The following ABCC1 variants were observed in gnomAD, a reference collection of about 807,000 sequenced individuals.
The protein encoded by ABCC1 is multidrug resistance-associated protein 1.
A neutral mutation model predicts 172.9 loss-of-function variants in ABCC1; 83 were observed. The observed-to-expected ratio is 0.48, with a 90% CI of 0.40 to 0.58. ABCC1 has a LOEUF of 0.58. Ranked by LOEUF, ABCC1 falls within the 20% of genes least tolerant of loss-of-function variation. The probability of loss-of-function intolerance (pLI) is 0.00; values close to 1 mark genes in which losing one functional copy is unlikely to be tolerated. For synonymous variants in ABCC1, 937 were observed against 825.2 expected (o/e 1.14, Z -2.32); for missense variants, 1,817 against 2,002.7 (o/e 0.91, Z 1.77).
chr16:16,038,153 T>C (rs2048828251), intron 7 of ABCC1, among the ~76,000 whole-genome samples: 1 of 151,828 alleles, frequency 6.6e-6, no homozygotes, highest in Non-Finnish European at 1.5e-5. Context: ...GGTAGATGGA[T>C]AGATGATAGA....
chr16:16,014,426 G>A (rs1597118841), intron 3 of ABCC1, 65 bp from the exon 4 acceptor site: 4 of 1,571,624 alleles, frequency 2.5e-6, no homozygotes, highest in Non-Finnish European at 3.5e-6. Context: ...CAGCCTGGGT[G>A]ACAAGAGTGA....
intron 21 of ABCC1, among the ~76,000 whole-genome samples, chr16:16,110,284 A>G (rs769897845): frequency 6.6e-6 from 1 of 151,952 alleles, no homozygotes; most frequent in Non-Finnish European, 1.5e-5. Context: ...AGATTTCATC[A>G]TGTTGGCCAG....
At chr16:16,103,359 C>A (rs2051864145) in intron 20 of ABCC1, among the ~76,000 whole-genome samples, 1 of 152,156 alleles carries the variant, frequency 6.6e-6, no homozygotes, top group Admixed American at 6.5e-5. Flanking sequence ...GCGGGCGGAT[C>A]ACCTGAGGAC....
chr16:15,997,789 C>G (rs1039148106), intron 1 of ABCC1, among the ~76,000 whole-genome samples: 16 of 150,180 alleles, frequency 1.1e-4, no homozygotes, highest in African/African-American at 3.4e-4. Flanking sequence ...AAGGAACATC[C>G]AGGAGGCCTC....
chr16:16,115,346 C>T (rs1313254421), intron 23 of ABCC1, among the ~76,000 whole-genome samples: 1 of 152,144 alleles, frequency 6.6e-6, no homozygotes, highest in Non-Finnish European at 1.5e-5. Flanking sequence ...AAGACAACTT[C>T]ATTATTAAAA....
chr16:16,056,750 C>T lies in ABCC1; in HGVS notation c.1677+455C>T, dbSNP rs542026219. Among the ~76,000 whole-genome samples, 299 of 152,292 alleles carry T rather than the reference C, an allele frequency of 2.0e-3. 2 individuals carry two copies. In the Middle Eastern group the frequency reaches 0.027, roughly 14 times the overall value. ...AACATTTGCCATCTTCTCCATTCTC[C>T]TTTGTTTTATTCACACTTAGCAGCT... On this transcript the variant is annotated intron_variant, in intron 12 of 30. Coordinates refer to ENST00000399410, the MANE Select transcript of ABCC1 (RefSeq NM_004996.4).
intron 11 of ABCC1, among the ~76,000 whole-genome samples, chr16:16,054,594 G>A (rs2049572111): frequency 6.6e-6 from 1 of 152,054 alleles, no homozygotes; most frequent in African/African-American, 2.4e-5. Context: ...GGCCTCACGT[G>A]GTAGGGTTGG....
rs1215961089 is a variant in ABCC1, at chr16:16,044,695, C to T, written c.1040+15C>T. 4 of 1,608,016 alleles carry T rather than the reference C, an allele frequency of 2.5e-6. No individual in the cohort carries two copies. The highest frequency in any genetic ancestry group is 3.4e-6 in the Non-Finnish European group (4 of 1,174,516). ...CAGATCTTAAAGTAAGACCCCTTCC[C>T]TCCCAGGTGGGCTCCATTTTCCCTC... On this transcript the variant is annotated intron_variant, in intron 8 of 30. Transcript: ENST00000399410.
At chr16:16,065,965 G>A (rs1263529445) in intron 12 of ABCC1, among the ~76,000 whole-genome samples, 1 of 137,582 alleles carries the variant, frequency 7.3e-6, no homozygotes, top group African/African-American at 2.8e-5. Context: ...TGGTGTGAAG[G>A]TCACCCAGTG....
At chr16:16,037,465 A>G (rs542750417) in intron 7 of ABCC1, among the ~76,000 whole-genome samples, 125 of 151,922 alleles carry the variant, frequency 8.2e-4, no homozygotes, top group Non-Finnish European at 1.6e-3. Context: ...GTGATGCGTT[A>G]TTATTCTATG....
At position 16,141,514 on chromosome 16, in the gene ABCC1, C is replaced by T. The variant is rs2046125075; in HGVS notation, c.*233C>T. The T allele has an allele frequency of 1.9e-6, 1 of 525,770 alleles. No homozygotes were observed. Among genetic ancestry groups the T allele is most frequent in the Admixed American group, 3.4e-5 (1 of 29,654 alleles). The allele number at this position is 525,770 out of a possible 1,614,324, so 32.6% of individuals were successfully genotyped here. On this transcript the variant is annotated 3_prime_UTR_variant, in exon 31 of 31. Coordinates refer to ENST00000399410, the MANE Select transcript of ABCC1 (RefSeq NM_004996.4). ...ATGCGAACCACCCAAAACACGCACA[C>T]CCTGCCCCTGGTGCCCTGAGACAGA...
intron 1 of ABCC1, among the ~76,000 whole-genome samples, chr16:15,958,112 T>C (rs543019913): frequency 2.0e-5 from 3 of 152,206 alleles, no homozygotes; most frequent in East Asian, 3.9e-4. Context: ...TTTTATTTTA[T>C]ATTATTTTTT....
At position 16,108,502 on chromosome 16, in the gene ABCC1, C is replaced by G. The variant is rs138156900; in HGVS notation, c.2871+1629C>G. 8.7e-3 allele frequency among the ~76,000 whole-genome samples: 1,328 copies of G among 151,780 alleles called. 39 individuals carry two copies. The highest frequency in any genetic ancestry group is 0.046 in the Admixed American group (703 of 15,230). Reference sequence around the variant, plus strand: ...GCCAGGCTGGTCTCAAACTCCTGACCTTGTGATCTGCCTGCCTCAGCCTCC... The same window carrying G: ...GCCAGGCTGGTCTCAAACTCCTGACGTTGTGATCTGCCTGCCTCAGCCTCC... On this transcript the variant is annotated intron_variant, in intron 21 of 30. Coordinates refer to ENST00000399410, the MANE Select transcript of ABCC1 (RefSeq NM_004996.4).
intron 7 of ABCC1, among the ~76,000 whole-genome samples, chr16:16,037,630 T>C (rs1434413020): frequency 6.6e-6 from 1 of 152,206 alleles, no homozygotes; most frequent in Non-Finnish European, 1.5e-5. Flanking sequence ...CTGTTGCCTG[T>C]TCTGGGGTAA....
intron 1 of ABCC1, among the ~76,000 whole-genome samples, chr16:15,953,075 C>T (rs913093837): frequency 1.3e-5 from 2 of 151,732 alleles, no homozygotes; most frequent in African/African-American, 2.4e-5. Flanking sequence ...GTAGATCATG[C>T]CTGTAATCCC....
At chr16:16,139,863 G>C (rs2046066800) in intron 30 of ABCC1, among the ~76,000 whole-genome samples, 1 of 152,166 alleles carries the variant, frequency 6.6e-6, no homozygotes, top group African/African-American at 2.4e-5. Flanking sequence ...TCAGCCTTGA[G>C]AAGATCTGGG....
In ABCC1 at chr16:16,036,593, A is replaced by C. The variant is rs182059861; in HGVS notation, c.799A>C (p.Lys267Gln). 66 of 1,613,908 alleles carry C rather than the reference A, an allele frequency of 4.1e-5. No homozygotes were observed. The Middle Eastern group carries it at 8.2e-4, about 20-fold the overall frequency. The change falls in exon 7 of 31, where the codon AAG becomes CAG. Residue 267 changes from lysine (K) to glutamine (Q), a missense_variant. Transcript: ENST00000399410. ...AAAGAACTGGAAGAAGGAATGCGCC[A>C]AGACTAGGAAGTAAGTGTGAGTTTC... ...LVKNWKKECA[K>Q]TRKQPVKVVY...
At chr16:16,027,407 G>T (rs1472504658) in intron 5 of ABCC1, among the ~76,000 whole-genome samples, 1 of 152,154 alleles carries the variant, frequency 6.6e-6, no homozygotes, top group African/African-American at 2.4e-5. Context: ...TGGTCTGTGG[G>T]CCATAGATGC....
intron 27 of ABCC1, among the ~76,000 whole-genome samples, chr16:16,132,510 G>GTTTTTTTTTTTTTTTTTTTT (rs71137915): frequency 5.4e-5 from 2 of 37,298 alleles, no homozygotes; most frequent in African/African-American, 2.0e-4. Flanking sequence ...TTGGTTGGTT[G>GTTTTTTTTTTTTTTTTTTTT]TTTTTTTTTT....
Sources: allele counts gnomAD v4.1 joint callset (sites outside exome capture counted in the v4.1 genomes callset), GRCh38; gene constraint gnomAD v4.1.1; transcripts MANE v1.5; gene names NCBI Gene and HGNC (gene_info 2026-07-23, HGNC 2026-07-21).